The following GLIS3 variants were observed in gnomAD, a reference collection of about 807,000 sequenced individuals.
GLIS3 encodes zinc finger protein GLIS3.
GLIS3 carries 53 observed loss-of-function variants against 78.6 expected under a neutral mutation model. The ratio of observed to expected loss-of-function variants is 0.67; its 90% CI spans 0.54 to 0.85. The LOEUF (loss-of-function observed/expected upper bound fraction) is 0.85. Ranked by LOEUF, GLIS3 falls within the 40% of genes least tolerant of loss-of-function variation. The pLI, the probability that GLIS3 is intolerant of heterozygous loss-of-function variation, is 0.00. For missense variants in GLIS3, 1,703 were observed against 1,231.1 expected (o/e 1.38, Z -5.74); for synonymous variants, 684 against 509.9 (o/e 1.34, Z -4.60).
chr9:3,915,856 T>TG (rs1231013057), intron 6 of GLIS3, among the ~76,000 whole-genome samples: 1 of 152,200 alleles, frequency 6.6e-6, no homozygotes, highest in African/African-American at 2.4e-5. Flanking sequence ...CTCTCGCATA[T>TG]ATATGCTGAG....
At chr9:4,446,779 G>A in the GLIS3 span, among the ~76,000 whole-genome samples, 119 of 151,870 alleles carry the variant, frequency 7.8e-4, no homozygotes, top group African/African-American at 2.7e-3. Flanking sequence ...CCAAGGGGCT[G>A]GGATTACAGG....
At chr9:4,278,358 T>C (rs944655239) in intron 2 of GLIS3, among the ~76,000 whole-genome samples, 1 of 152,148 alleles carries the variant, frequency 6.6e-6, no homozygotes, top group African/African-American at 2.4e-5. Context: ...ATTCCAGGTA[T>C]GGGGCACGCA....
At position 4,047,367 on chromosome 9, in the gene GLIS3, C is replaced by T. The variant is rs188804998; in HGVS notation, c.1710+70401G>A. On this transcript the variant is annotated intron_variant, in intron 4 of 10. Coordinates refer to ENST00000381971, the MANE Select transcript of GLIS3 (RefSeq NM_001042413.2). ...TAGTATCTTGATAGTAGTGTGAAAACGGACTAATACAATTGGGTAATCTTT... is the reference window on the plus strand; with the variant it reads ...TAGTATCTTGATAGTAGTGTGAAAATGGACTAATACAATTGGGTAATCTTT... Among the ~76,000 whole-genome samples, 788 of 152,196 alleles carry T rather than the reference C, an allele frequency of 5.2e-3. 4 individuals carry two copies. Among genetic ancestry groups the T allele is most frequent in the Non-Finnish European group, 9.1e-3 (618 of 67,998 alleles).
At chr9:3,996,601 A>G (rs2129858718) in intron 4 of GLIS3, among the ~76,000 whole-genome samples, 1 of 152,336 alleles carries the variant, frequency 6.6e-6, no homozygotes, top group South Asian at 2.1e-4. Context: ...ATGGTAGCAA[A>G]TAAAAAATTG....
At chr9:4,135,484 A>T (rs745588961) in intron 2 of GLIS3, among the ~76,000 whole-genome samples, 1 of 152,128 alleles carries the variant, frequency 6.6e-6, no homozygotes, top group Non-Finnish European at 1.5e-5. Flanking sequence ...AAGTCATCGA[A>T]CTATGACTGT....
upstream of GLIS3, among the ~76,000 whole-genome samples, chr9:4,349,228 T>C (rs1224219772): frequency 6.6e-6 from 1 of 152,222 alleles, no homozygotes; most frequent in Admixed American, 6.5e-5. Flanking sequence ...ATGATAGGTG[T>C]TGTCAGTGGC....
chr9:3,902,065 T>C (rs1823345634), intron 6 of GLIS3, among the ~76,000 whole-genome samples: 1 of 152,220 alleles, frequency 6.6e-6, no homozygotes, highest in South Asian at 2.1e-4. Flanking sequence ...ATTTCACGGC[T>C]AGGGTTACTT....
chr9:4,311,119 T>C (rs149035646), intron 2 of GLIS3, among the ~76,000 whole-genome samples: 2 of 152,314 alleles, frequency 1.3e-5, no homozygotes, highest in African/African-American at 2.4e-5. Context: ...TAGAAGTGTA[T>C]ACCTTTTGGC....
At chr9:4,206,225 G>T (rs930846909) in intron 2 of GLIS3, among the ~76,000 whole-genome samples, 11 of 152,160 alleles carry the variant, frequency 7.2e-5, no homozygotes, top group African/African-American at 2.2e-4. Context: ...GTGAGTATTA[G>T]CTTCTATATA....
intron 2 of GLIS3, among the ~76,000 whole-genome samples, chr9:4,171,016 C>T (rs7868798): frequency 0.37 from 56,616 of 152,056 alleles, 12,268 homozygotes; most frequent in East Asian, 0.66. Context: ...GGGAATCATA[C>T]GAGAACAATC....
chr9:4,173,366 T>A (rs1368422118), intron 2 of GLIS3, among the ~76,000 whole-genome samples: 1 of 152,118 alleles, frequency 6.6e-6, no homozygotes, highest in Admixed American at 6.5e-5. Flanking sequence ...CTTATTCTCA[T>A]CCTCTAATTT....
the GLIS3 span, among the ~76,000 whole-genome samples, chr9:4,451,165 A>T: frequency 6.6e-6 from 1 of 152,100 alleles, no homozygotes; most frequent in Non-Finnish European, 1.5e-5. Context: ...TCTACCAAGC[A>T]AATGGAAAGC....
intron 2 of GLIS3, among the ~76,000 whole-genome samples, chr9:4,180,067 C>T (rs558482539): frequency 7.2e-5 from 11 of 152,168 alleles, no homozygotes; most frequent in South Asian, 4.2e-4. Context: ...TTAGAGACTC[C>T]GCCACCTCTA....
At chr9:3,877,754 T>G (rs1224691726) in intron 8 of GLIS3, among the ~76,000 whole-genome samples, 1 of 152,220 alleles carries the variant, frequency 6.6e-6, no homozygotes, top group Non-Finnish European at 1.5e-5. Context: ...CCTCACTGCT[T>G]TGCCTTGCTT....
At chr9:3,836,593 C>T (rs1157651167) in intron 9 of GLIS3, among the ~76,000 whole-genome samples, 1 of 152,140 alleles carries the variant, frequency 6.6e-6, no homozygotes, top group Non-Finnish European at 1.5e-5. Flanking sequence ...GGCCTACCAC[C>T]TTTGAATACT....
intron 4 of GLIS3, among the ~76,000 whole-genome samples, chr9:4,010,571 C>G (rs1821921661): frequency 6.6e-6 from 1 of 152,102 alleles, no homozygotes; most frequent in South Asian, 2.1e-4. Flanking sequence ...GCAGGCAGGA[C>G]CGTGTGAAAG....
intron 2 of GLIS3, among the ~76,000 whole-genome samples, chr9:4,184,863 A>G (rs1238778020): frequency 2.0e-5 from 3 of 146,402 alleles, no homozygotes; most frequent in African/African-American, 7.5e-5. Context: ...GCAAAAAAAC[A>G]ATGAATTATA....
the GLIS3 span, among the ~76,000 whole-genome samples, chr9:4,464,136 T>A: frequency 2.0e-5 from 3 of 152,102 alleles, no homozygotes; most frequent in Admixed American, 2.0e-4. Context: ...TGTGTCAGGT[T>A]TTTTTTATTA....
At chr9:4,238,851 G>T (rs1482169315) in intron 2 of GLIS3, among the ~76,000 whole-genome samples, 5 of 152,106 alleles carry the variant, frequency 3.3e-5, no homozygotes, top group Non-Finnish European at 5.9e-5. Context: ...GACCAGCAGA[G>T]AGATGGACTC....
Sources: allele counts gnomAD v4.1 joint callset (sites outside exome capture counted in the v4.1 genomes callset), GRCh38; gene constraint gnomAD v4.1.1; transcripts MANE v1.5; gene names NCBI Gene and HGNC (gene_info 2026-07-23, HGNC 2026-07-21).